Variants in TTC6 observed in about 807,000 individuals in gnomAD.
The protein encoded by TTC6 is tetratricopeptide repeat protein 6.
A neutral mutation model predicts 210.4 loss-of-function variants in TTC6; 172 were observed. The observed-to-expected ratio is 0.82, with a 90% CI of 0.72 to 0.93. The LOEUF (loss-of-function observed/expected upper bound fraction) is 0.93, where lower values mean the gene tolerates loss of function less well. TTC6 is among the 40% of genes least tolerant of loss of function. The probability of loss-of-function intolerance (pLI) is 0.00; values close to 1 mark genes in which losing one functional copy is unlikely to be tolerated. For missense variants in TTC6, 2,414 were observed against 2,318.1 expected, an observed-to-expected ratio of 1.04 and a Z score of -0.85; for synonymous variants, 804 against 819.6, an observed-to-expected ratio of 0.98 and a Z score of 0.32.
At chr14:37,706,416 T>C (rs2095835616) in intron 5 of TTC6, among the ~76,000 whole-genome samples, 1 of 152,110 alleles carries the variant, frequency 6.6e-6, no homozygotes, top group Non-Finnish European at 1.5e-5. Flanking sequence ...GTGCCCAGGC[T>C]TACCAAGGTG....
intron 3 of TTC6, among the ~76,000 whole-genome samples, chr14:37,692,208 C>CAAAAAAAACAAA (rs2095804776): frequency 2.5e-5 from 1 of 40,154 alleles, no homozygotes; most frequent in Non-Finnish European, 3.9e-5. Context: ...AAAGACACAC[C>CAAAAAAAACAAA]AAAAAAAAAA....
intron 29 of TTC6, among the ~76,000 whole-genome samples, chr14:37,837,050 G>T (rs2096199478): frequency 6.6e-6 from 1 of 152,112 alleles, no homozygotes. Context: ...AAAAAATCAA[G>T]ACCATCTGTT....
At chr14:37,809,275 C>T (rs868792270) in intron 24 of TTC6, among the ~76,000 whole-genome samples, 1,131 of 110,524 alleles carry the variant, frequency 0.01, 22 homozygotes, top group African/African-American at 0.037. Flanking sequence ...TTTTTTGAGA[C>T]GGAGACTCAC....
intron 1 of TTC6, among the ~76,000 whole-genome samples, chr14:37,604,225 G>T (rs1462781521): frequency 6.6e-6 from 1 of 152,188 alleles, no homozygotes; most frequent in Non-Finnish European, 1.5e-5. Context: ...CCAGGACCCT[G>T]CCTGGAATTT....
At chr14:37,760,109 C>T (rs1235572031) in intron 14 of TTC6, among the ~76,000 whole-genome samples, 2 of 152,158 alleles carry the variant, frequency 1.3e-5, no homozygotes, top group Non-Finnish European at 2.9e-5. Context: ...AGCTTTTTTG[C>T]ACTGGTTCTT....
chr14:37,644,841 G>A (rs2095698676), intron 1 of TTC6, among the ~76,000 whole-genome samples: 2 of 152,228 alleles, frequency 1.3e-5, no homozygotes, highest in South Asian at 2.1e-4. Flanking sequence ...GAAAGCCCTG[G>A]GTTTAGAGTT....
At chr14:37,749,835 A>C in exon 12 of TTC6, 6 of 1,393,690 alleles carry the variant, frequency 4.3e-6, no homozygotes, top group Non-Finnish European at 5.6e-6. Context: ...TATAATAAAA[A>C]TAATACAGGT....
At position 37,602,521 on chromosome 14, in the gene TTC6, C is replaced by T. The variant is rs182769765; in HGVS notation, c.-234-4142C>T. Among the ~76,000 whole-genome samples the T allele has an allele frequency of 1.3e-3, 194 of 152,226 alleles. 1 individual carries two copies. The highest frequency in any genetic ancestry group is 4.3e-3 in the African/African-American group (180 of 41,550). ...GTTACAAGAGTAAATATGCCTACCT[C>T]CTCTTCTGGGCTGCTATCACTCGAG... On this transcript the variant is annotated intron_variant, in intron 1 of 2. Coordinates refer to the TTC6 transcript ENST00000556845.
chr14:37,840,472 C>T (rs2096207403), intron 29 of TTC6, among the ~76,000 whole-genome samples: 1 of 152,142 alleles, frequency 6.6e-6, no homozygotes, highest in Non-Finnish European at 1.5e-5. Context: ...GAGAGGGAAT[C>T]CTCCCTAACT....
In TTC6 at chr14:37,728,992, C is replaced by G. The variant is rs17106986; in HGVS notation, c.1818+3990C>G. On this transcript the variant is annotated intron_variant, in intron 7 of 30. Transcript: ENST00000553443. ...CATTTTCATTGTCATTTATGTCATG[C>G]AGGTGTGTGCAAATTCATACTTTTA... Among the ~76,000 whole-genome samples, 572 of 152,262 alleles carry G rather than the reference C, an allele frequency of 3.8e-3. 2 individuals are homozygous for G. The highest frequency in any genetic ancestry group is 0.013 in the African/African-American group (538 of 41,542).
intron 14 of TTC6, among the ~76,000 whole-genome samples, chr14:37,766,511 T>G (rs890359843): frequency 2.0e-5 from 3 of 152,190 alleles, no homozygotes; most frequent in African/African-American, 7.2e-5. Context: ...ATCCTCCAGT[T>G]TTATTCATGC....
At chr14:37,604,277 G>A (rs1174402127) in intron 1 of TTC6, among the ~76,000 whole-genome samples, 1 of 152,198 alleles carries the variant, frequency 6.6e-6, no homozygotes, top group East Asian at 1.9e-4. Flanking sequence ...CACCCAGTCA[G>A]TGATGGATGA....
At chr14:37,704,635 G>A (rs1454166448) in intron 5 of TTC6, among the ~76,000 whole-genome samples, 1 of 151,460 alleles carries the variant, frequency 6.6e-6, no homozygotes, top group Non-Finnish European at 1.5e-5. Context: ...TTAGTTATTT[G>A]CCGTATATAT....
At chr14:37,804,735 G>A in exon 21 of TTC6, 1 of 1,614,118 alleles carries the variant, frequency 6.2e-7, no homozygotes, top group Non-Finnish European at 8.5e-7. Flanking sequence ...TCTGATAAAG[G>A]ACCAGATGCC....
At chr14:37,755,362 C>T (rs183162312) in intron 14 of TTC6, among the ~76,000 whole-genome samples, 64 of 152,204 alleles carry the variant, frequency 4.2e-4, no homozygotes, top group Admixed American at 6.5e-4. Flanking sequence ...TCATTTGCTG[C>T]ACAGAAGCTC....
At chr14:37,693,169 A>G (rs919978978) in intron 3 of TTC6, among the ~76,000 whole-genome samples, 8 of 150,942 alleles carry the variant, frequency 5.3e-5, no homozygotes, top group Non-Finnish European at 1.0e-4. Context: ...ACAAAAAACT[A>G]TGAGAACTGA....
At chr14:37,739,034 G>A in exon 10 of TTC6, 2 of 1,535,474 alleles carry the variant, frequency 1.3e-6, no homozygotes, top group Non-Finnish European at 1.7e-6. Flanking sequence ...GTCTAAAAAA[G>A]CTGGCATTAG....
At chr14:37,756,469 A>T (rs866286740) in intron 14 of TTC6, among the ~76,000 whole-genome samples, 1 of 152,140 alleles carries the variant, frequency 6.6e-6, no homozygotes, top group Non-Finnish European at 1.5e-5. Context: ...ATTCTGTGTG[A>T]TATATATTAT....
intron 26 of TTC6, among the ~76,000 whole-genome samples, chr14:37,823,206 A>G (rs2096162000): frequency 6.6e-6 from 1 of 152,170 alleles, no homozygotes; most frequent in Non-Finnish European, 1.5e-5. Context: ...ACAAGTTGAT[A>G]AATAAAATGC....
Sources: gnomAD v4.1 joint callset for allele counts (sites outside exome capture counted in the v4.1 genomes callset) on GRCh38, gnomAD v4.1.1 for gene constraint, MANE v1.5 for transcripts, NCBI Gene and HGNC (gene_info 2026-07-23, HGNC 2026-07-21) for gene names.